Variants in HHIP observed in about 807,000 individuals in gnomAD.
HHIP encodes hedgehog interacting protein.
Under a neutral mutation model 74.0 loss-of-function variants are expected in HHIP, and 12 were observed. The ratio of observed to expected loss-of-function variants is 0.16; its 90% CI spans 0.10 to 0.26. The LOEUF (loss-of-function observed/expected upper bound fraction) is 0.26. HHIP is among the 10% of genes least tolerant of loss of function. HHIP has a pLI of 1.00. For synonymous variants in HHIP, 309 were observed against 311.6 expected, an observed-to-expected ratio of 0.99 and a Z score of 0.09; for missense variants, 788 against 845.0, an observed-to-expected ratio of 0.93 and a Z score of 0.84.
intron 10 of HHIP, among the ~76,000 whole-genome samples, chr4:144,718,662 G>A (rs1381768561): frequency 1.3e-5 from 2 of 152,136 alleles, no homozygotes; most frequent in African/African-American, 4.8e-5. Context: ...GCTTGCACTG[G>A]AGTAGTAGTG....
intron 12 of HHIP, 32 bp from the exon 13 acceptor site, chr4:144,737,732 A>G (rs752836166): frequency 1.3e-6 from 2 of 1,553,636 alleles, no homozygotes; most frequent in Admixed American, 3.6e-5. Context: ...ACAGAATGAG[A>G]GTGTGATGTT....
At chr4:144,712,855 G>C (rs1442872577) in intron 8 of HHIP, among the ~76,000 whole-genome samples, 1 of 149,096 alleles carries the variant, frequency 6.7e-6, no homozygotes, top group East Asian at 2.0e-4. Flanking sequence ...GTTAGTTCAT[G>C]TGGTATTCAG....
intron 7 of HHIP, among the ~76,000 whole-genome samples, chr4:144,709,845 C>T (rs1018620145): frequency 2.0e-5 from 3 of 152,096 alleles, no homozygotes; most frequent in Non-Finnish European, 2.9e-5. Flanking sequence ...TTATATTACC[C>T]GTACCTCCAC....
chr4:144,688,163 C>G (rs1409973732), intron 4 of HHIP, among the ~76,000 whole-genome samples: 1 of 152,110 alleles, frequency 6.6e-6, no homozygotes, highest in African/African-American at 2.4e-5. Flanking sequence ...CTTCTGTGAA[C>G]ATTGCATAAT....
intron 11 of HHIP, among the ~76,000 whole-genome samples, chr4:144,720,118 C>A (rs757746813): frequency 1.3e-5 from 2 of 152,108 alleles, no homozygotes; most frequent in Admixed American, 6.5e-5. Context: ...TATACATTTT[C>A]TTTCACAGTA....
At chr4:144,675,956 A>G (rs1291661877) in intron 4 of HHIP, among the ~76,000 whole-genome samples, 2 of 152,210 alleles carry the variant, frequency 1.3e-5, no homozygotes. Context: ...AGCCATTAGT[A>G]TAACTTCAGT....
intron 10 of HHIP, among the ~76,000 whole-genome samples, chr4:144,718,528 A>G (rs1026642699): frequency 2.0e-5 from 3 of 152,216 alleles, no homozygotes; most frequent in Non-Finnish European, 4.4e-5. Context: ...AACGTACATG[A>G]TCTAACTCCT....
intron 7 of HHIP, among the ~76,000 whole-genome samples, chr4:144,710,687 T>C (rs957592591): frequency 1.4e-4 from 22 of 152,146 alleles, no homozygotes; most frequent in Non-Finnish European, 3.1e-4. Flanking sequence ...TCTGGGAACA[T>C]TTTTGGTTTT....
chr4:144,734,283 T>G (rs1200418398), intron 11 of HHIP, among the ~76,000 whole-genome samples: 1 of 152,040 alleles, frequency 6.6e-6, no homozygotes, highest in Middle Eastern at 3.4e-3. Context: ...ACAAGTCATT[T>G]TGATGAATGC....
At chr4:144,653,083 C>T (rs145392754) in intron 2 of HHIP, among the ~76,000 whole-genome samples, 6 of 152,226 alleles carry the variant, frequency 3.9e-5, no homozygotes, top group African/African-American at 1.2e-4. Flanking sequence ...TCTTTACACA[C>T]GTTGGATTCT....
At chr4:144,723,695 A>T (rs541160598) in intron 11 of HHIP, among the ~76,000 whole-genome samples, 6 of 152,342 alleles carry the variant, frequency 3.9e-5, no homozygotes, top group Admixed American at 1.3e-4. Flanking sequence ...CCACCCTGAC[A>T]GTAATACAAA....
intron 4 of HHIP, among the ~76,000 whole-genome samples, chr4:144,682,292 G>C (rs1396714083): frequency 6.6e-6 from 1 of 152,144 alleles, no homozygotes; most frequent in Non-Finnish European, 1.5e-5. Context: ...ATTCCTTTAG[G>C]GATAACAATG....
At chr4:144,722,128 G>A (rs1050024468) in intron 11 of HHIP, among the ~76,000 whole-genome samples, 1 of 152,110 alleles carries the variant, frequency 6.6e-6, no homozygotes, top group Non-Finnish European at 1.5e-5. Flanking sequence ...TAGCCTGGGG[G>A]ATCCTTCAGC....
intron 1 of HHIP, 73 bp from the exon 2 acceptor site, chr4:144,652,532 C>G: frequency 1.0e-6 from 1 of 962,258 alleles, no homozygotes; most frequent in Non-Finnish European, 1.6e-6. Flanking sequence ...TACACAATTG[C>G]AAAAAATAAT....
chr4:144,702,619 G>A lies in HHIP; in HGVS notation c.832-3912G>A, dbSNP rs191505693. Among the ~76,000 whole-genome samples the A allele has an allele frequency of 1.3e-4, 20 of 152,188 alleles. No individual in the cohort carries two copies. In the East Asian group the frequency reaches 1.9e-3, roughly 15 times the overall value. On this transcript the variant is annotated intron_variant, in intron 4 of 12. Coordinates refer to ENST00000296575, the MANE Select transcript of HHIP (RefSeq NM_022475.3). ...TGTAGCATTGAAGAGCTGAGCAAAG[G>A]GGAAGAGGGGGTCTTGTGGCAGCCT...
intron 7 of HHIP, among the ~76,000 whole-genome samples, chr4:144,709,377 T>G (rs905943176): frequency 5.9e-5 from 9 of 152,096 alleles, no homozygotes; most frequent in African/African-American, 9.7e-5. Context: ...AAGCAACACT[T>G]TGAAGTCAGG....
intron 4 of HHIP, among the ~76,000 whole-genome samples, chr4:144,695,675 T>G (rs1729795065): frequency 6.6e-6 from 1 of 151,890 alleles, no homozygotes; most frequent in South Asian, 2.1e-4. Flanking sequence ...ATTTTATATA[T>G]TTTAATGAAA....
intron 4 of HHIP, among the ~76,000 whole-genome samples, chr4:144,699,225 C>T (rs923531853): frequency 6.6e-6 from 1 of 152,136 alleles, no homozygotes; most frequent in South Asian, 2.1e-4. Flanking sequence ...TCTCATAATT[C>T]GCCTTCAGCC....
At chr4:144,737,248 G>C (rs1393847617) in intron 12 of HHIP, among the ~76,000 whole-genome samples, 2 of 152,162 alleles carry the variant, frequency 1.3e-5, no homozygotes, top group African/African-American at 4.8e-5. Flanking sequence ...CTGGAAGCAA[G>C]AGGAAGGAAG....
Sources: gnomAD v4.1 joint callset for allele counts (sites outside exome capture counted in the v4.1 genomes callset) on GRCh38, gnomAD v4.1.1 for gene constraint, MANE v1.5 for transcripts, NCBI Gene and HGNC (gene_info 2026-07-23, HGNC 2026-07-21) for gene names.